GRIN2A: variants seen among roughly 807,000 people sequenced by gnomAD.
GRIN2A encodes glutamate ionotropic receptor NMDA type subunit 2A.
In GRIN2A, 22 loss-of-function variants were observed where a neutral mutation model predicts 113.4. The ratio of observed to expected loss-of-function variants is 0.19; its 90% confidence interval spans 0.14 to 0.28. The LOEUF is 0.28. Ranked by LOEUF, GRIN2A falls within the 10% of genes least tolerant of loss-of-function variation. The pLI is 1.00. For missense variants in GRIN2A, 1,502 were observed against 1,887.0 expected, an observed-to-expected ratio of 0.80 and a Z score of 3.78; for synonymous variants, 827 against 738.4, an observed-to-expected ratio of 1.12 and a Z score of -1.94.
At chr16:9,771,620 G>A (rs956896272) in intron 11 of GRIN2A, among the ~76,000 whole-genome samples, 10 of 139,140 alleles carry the variant, frequency 7.2e-5, no homozygotes, top group African/African-American at 2.7e-4. Flanking sequence ...TGACTCTCAT[G>A]GTGGGTTACT....
chr16:9,838,102 T>C (rs1469139113), intron 7 of GRIN2A, among the ~76,000 whole-genome samples: 1 of 152,220 alleles, frequency 6.6e-6, no homozygotes, highest in Non-Finnish European at 1.5e-5. Context: ...AGTGGAAGAA[T>C]AAGACAATGG....
chr16:9,868,086 A>G lies in GRIN2A; in HGVS notation c.1123-18125T>C, dbSNP rs141934728. On this transcript the variant is annotated intron_variant, in intron 4 of 12. Coordinates refer to ENST00000330684, the MANE Select transcript of GRIN2A (RefSeq NM_001134407.3). ...TGCCACCCCCATATATATTAAATCAATCACCAAGCCTTGATAGTTCTAATA... is the reference window on the plus strand; with the variant it reads ...TGCCACCCCCATATATATTAAATCAGTCACCAAGCCTTGATAGTTCTAATA... Among the ~76,000 whole-genome samples, 476 of 152,180 alleles carry G rather than the reference A, an allele frequency of 3.1e-3. 3 individuals are homozygous for G. Among genetic ancestry groups the G allele is most frequent in the African/African-American group, 0.011 (444 of 41,524 alleles).
At chr16:10,104,060 C>T (rs1017809669) in intron 2 of GRIN2A, among the ~76,000 whole-genome samples, 3 of 152,142 alleles carry the variant, frequency 2.0e-5, no homozygotes, top group Admixed American at 1.3e-4. Context: ...TGAGCATAAC[C>T]GAAGATACAA....
At chr16:10,088,888 T>C (rs191482272) in intron 2 of GRIN2A, among the ~76,000 whole-genome samples, 10 of 150,974 alleles carry the variant, frequency 6.6e-5, no homozygotes, top group Admixed American at 5.2e-4. Flanking sequence ...AAGAGCTTCA[T>C]TCACCCTTTC....
At chr16:10,173,674 T>G (rs1179989303) in intron 2 of GRIN2A, among the ~76,000 whole-genome samples, 1 of 152,208 alleles carries the variant, frequency 6.6e-6, no homozygotes, top group African/African-American at 2.4e-5. Context: ...CTGAAAAGGA[T>G]GCCCCTATGG....
chr16:10,178,545 C>T (rs1425909108), intron 2 of GRIN2A, among the ~76,000 whole-genome samples: 1 of 152,206 alleles, frequency 6.6e-6, no homozygotes, highest in Non-Finnish European at 1.5e-5. Context: ...CTAGTCCCTA[C>T]TCTCTTCTTC....
chr16:10,068,918 A>G (rs1410887040), intron 2 of GRIN2A, among the ~76,000 whole-genome samples: 1 of 152,176 alleles, frequency 6.6e-6, no homozygotes, highest in African/African-American at 2.4e-5. Context: ...AGAAGGAAAG[A>G]AAACAGGGTA....
chr16:9,766,508 C>T (rs1344954713), intron 12 of GRIN2A, among the ~76,000 whole-genome samples: 1 of 152,180 alleles, frequency 6.6e-6, no homozygotes, highest in Non-Finnish European at 1.5e-5. Flanking sequence ...AGGCTCAGGG[C>T]ACTGGCATTA....
chr16:9,839,904 C>T (rs2141339465), intron 7 of GRIN2A, among the ~76,000 whole-genome samples: 1 of 152,204 alleles, frequency 6.6e-6, no homozygotes, highest in Admixed American at 6.5e-5. Context: ...GCCCGAGGAT[C>T]ACTTGAGGTC....
At chr16:10,090,159 A>G (rs1319536163) in intron 2 of GRIN2A, among the ~76,000 whole-genome samples, 1 of 152,082 alleles carries the variant, frequency 6.6e-6, no homozygotes, top group Non-Finnish European at 1.5e-5. Context: ...ACTCTATTTT[A>G]CCATATCTAT....
chr16:9,779,436 T>G (rs1473612459), intron 11 of GRIN2A, among the ~76,000 whole-genome samples: 1 of 152,174 alleles, frequency 6.6e-6, no homozygotes, highest in Admixed American at 6.5e-5. Context: ...TGATCTGTAT[T>G]CCCCATTGCT....
At chr16:9,809,073 T>TTTGA (rs1458473607) in intron 10 of GRIN2A, among the ~76,000 whole-genome samples, 1 of 151,806 alleles carries the variant, frequency 6.6e-6, no homozygotes, top group Non-Finnish European at 1.5e-5. Context: ...CTGCATAGAG[T>TTTGA]TTGATAGCAT....
At chr16:9,770,994 C>T (rs1388786861) in intron 11 of GRIN2A, among the ~76,000 whole-genome samples, 1 of 152,210 alleles carries the variant, frequency 6.6e-6, no homozygotes, top group Non-Finnish European at 1.5e-5. Flanking sequence ...TTGTAGGAAA[C>T]TGCCAAACTT....
At chr16:9,896,295 T>C (rs2043805789) in intron 3 of GRIN2A, among the ~76,000 whole-genome samples, 1 of 152,212 alleles carries the variant, frequency 6.6e-6, no homozygotes, top group African/African-American at 2.4e-5. Context: ...ATGATCCACC[T>C]GCCTTGGCCT....
At chr16:9,977,780 C>A (rs936175685) in intron 2 of GRIN2A, among the ~76,000 whole-genome samples, 3 of 152,148 alleles carry the variant, frequency 2.0e-5, no homozygotes, top group Admixed American at 1.3e-4. Context: ...TCAATTCGGT[C>A]GGCTTTTCCT....
intron 3 of GRIN2A, among the ~76,000 whole-genome samples, chr16:9,898,068 TTTTTTTTG>T (rs1197963544): frequency 2.9e-4 from 41 of 141,656 alleles, no homozygotes; most frequent in African/African-American, 9.6e-4. Flanking sequence ...TTTTTTTTTT[TTTTTTTTG>T]CAAAAATGGA....
chr16:10,111,534 A>C, intron 2 of GRIN2A: 1 of 760,542 alleles, frequency 1.3e-6, no homozygotes. Context: ...AGGTAGACCT[A>C]ACTTCAGCCC....
In GRIN2A at chr16:9,840,666, G is replaced by C. The variant is rs944936196; in HGVS notation, c.1632C>G (p.Val544=). ...SVMVSRSNGT[V]SPSAFLEPFS... ...ACACACCTAGAAAAGCAGAAGGTGA[G>C]ACGGTGCCATTACTTCTTGAAACCA... The change falls in exon 7 of 13, where the codon GTC becomes GTG. Residue 544 remains valine (V), a synonymous_variant. Transcript: ENST00000330684. 1.2e-6 allele frequency: 2 copies of C among 1,613,632 alleles called. No homozygotes were observed. Among genetic ancestry groups the C allele is most frequent in the South Asian group, 1.1e-5 (1 of 91,062 alleles).
In GRIN2A at chr16:10,138,678, C is replaced by A. The variant is rs557969123; in HGVS notation, c.414+41320G>T. 3.3e-5 allele frequency among the ~76,000 whole-genome samples: 5 copies of A among 152,186 alleles called. No individual in the cohort carries two copies. The East Asian group carries it at 9.7e-4, about 29-fold the overall frequency. On this transcript the variant is annotated intron_variant, in intron 2 of 12. Transcript: ENST00000330684. ...TGTGCACTCTGTTTCCTTCTATGAG[C>A]CTCAGTTTTCCCATCTGTCAAGCAG... is the stretch of plus-strand genomic sequence containing the variant.
Sources: allele counts gnomAD v4.1 joint callset (sites outside exome capture counted in the v4.1 genomes callset), GRCh38; gene constraint gnomAD v4.1.1; transcripts MANE v1.5; gene names NCBI Gene and HGNC (gene_info 2026-07-23, HGNC 2026-07-21).